The following RIMS1 variants were observed in gnomAD, a reference collection of about 807,000 sequenced individuals.
RIMS1 encodes regulating synaptic membrane exocytosis 1.
In RIMS1, 83 loss-of-function variants were observed where a neutral mutation model predicts 214.1. The ratio of observed to expected loss-of-function variants is 0.39; its 90% confidence interval spans 0.32 to 0.47. RIMS1 has a LOEUF of 0.47. Among genes scored for constraint, RIMS1 ranks in the 20% least tolerant of loss-of-function variants. The pLI, the probability that RIMS1 is intolerant of heterozygous loss-of-function variation, is 0.99. For synonymous variants in RIMS1, 793 were observed against 786.8 expected (o/e 1.01, Z -0.13); for missense variants, 2,050 against 2,161.8 (o/e 0.95, Z 1.03).
chr6:72,022,799 G>C (rs762919354), intron 2 of RIMS1, among the ~76,000 whole-genome samples: 1 of 152,102 alleles, frequency 6.6e-6, no homozygotes, highest in Non-Finnish European at 1.5e-5. Context: ...CATATTAGGT[G>C]CAAATAAAGA....
intron 6 of RIMS1, among the ~76,000 whole-genome samples, chr6:72,215,531 C>A (rs1319730814): frequency 6.6e-6 from 1 of 152,174 alleles, no homozygotes; most frequent in Non-Finnish European, 1.5e-5. Flanking sequence ...TTTCTAAACC[C>A]CATCTCTAAT....
chr6:72,401,330 T>C lies in RIMS1; in HGVS notation c.*616T>C, dbSNP rs1368888429. 6.6e-6 allele frequency: 1 copy of C among 152,652 alleles called. No individual in the cohort carries two copies. The highest frequency in any genetic ancestry group is 1.9e-4 in the East Asian group (1 of 5,200). The allele number at this position is 152,652 out of a possible 1,614,324, so 9.5% of individuals were successfully genotyped here. ...GGGCTGAAGTAGTCTCTGTAGCATC[T>C]CCCCAAAGTGTTAAACAGCTACATA... On this transcript the variant is annotated 3_prime_UTR_variant, in exon 34 of 34. Coordinates refer to ENST00000521978, the MANE Select transcript of RIMS1 (RefSeq NM_014989.7).
chr6:72,372,644 C>T (rs543992514), intron 29 of RIMS1, among the ~76,000 whole-genome samples: 2 of 152,290 alleles, frequency 1.3e-5, no homozygotes, highest in African/African-American at 4.8e-5. Flanking sequence ...TTTGAAGGAG[C>T]ATACTTAAGA....
intron 2 of RIMS1, among the ~76,000 whole-genome samples, chr6:71,977,915 G>T (rs1472993519): frequency 6.6e-6 from 1 of 152,148 alleles, no homozygotes; most frequent in African/African-American, 2.4e-5. Context: ...AAAGAAGGGG[G>T]AATCATGATC....
chr6:72,057,659 C>T (rs1826675153), intron 2 of RIMS1, among the ~76,000 whole-genome samples: 2 of 152,074 alleles, frequency 1.3e-5, no homozygotes, highest in Non-Finnish European at 2.9e-5. Context: ...AGGCGCCCGC[C>T]ACCACTACTA....
At chr6:72,290,887 A>G (rs1223200518) in intron 25 of RIMS1, 26 bp downstream of exon 25, 2 of 1,606,712 alleles carry the variant, frequency 1.2e-6, no homozygotes, top group Admixed American at 3.3e-5. Flanking sequence ...CCCCCTCAGC[A>G]TTCATGTCCT....
intron 2 of RIMS1, among the ~76,000 whole-genome samples, chr6:72,036,344 C>T (rs928147043): frequency 1.3e-5 from 2 of 152,164 alleles, no homozygotes; most frequent in Admixed American, 6.5e-5. Flanking sequence ...GGAATATCTA[C>T]TCTGGAAAAT....
chr6:72,167,438 T>C (rs1164650380), intron 4 of RIMS1, among the ~76,000 whole-genome samples: 1 of 152,134 alleles, frequency 6.6e-6, no homozygotes, highest in Non-Finnish European at 1.5e-5. Context: ...GCTAAGCTGA[T>C]CTGATAAAGT....
chr6:71,920,238 A>C (rs1356164287), intron 1 of RIMS1, among the ~76,000 whole-genome samples: 1 of 152,204 alleles, frequency 6.6e-6, no homozygotes, highest in Non-Finnish European at 1.5e-5. Context: ...AATGCAATGT[A>C]GTATCCTGAA....
chr6:72,216,331 T>C (rs1454930208), intron 6 of RIMS1: 1 of 362,858 alleles, frequency 2.8e-6, no homozygotes, highest in Non-Finnish European at 3.8e-6. Flanking sequence ...TTTAAAAATA[T>C]CAGAAATACG....
intron 4 of RIMS1, among the ~76,000 whole-genome samples, chr6:72,133,628 AT>A (rs1184543763): frequency 2.0e-5 from 3 of 152,168 alleles, no homozygotes; most frequent in Non-Finnish European, 4.4e-5. Context: ...AATATACTCC[AT>A]TTGGAGTAGT....
chr6:71,903,705 T>C (rs1488426387), intron 1 of RIMS1, among the ~76,000 whole-genome samples: 1 of 151,834 alleles, frequency 6.6e-6, no homozygotes, highest in Non-Finnish European at 1.5e-5. Context: ...TTTGAGTAGG[T>C]TTCTGTTTCT....
intron 2 of RIMS1, among the ~76,000 whole-genome samples, chr6:71,992,718 T>C (rs1392674469): frequency 2.0e-5 from 3 of 151,974 alleles, no homozygotes; most frequent in Admixed American, 2.0e-4. Context: ...AGTAGCGTGA[T>C]CACAGCTCAT....
At chr6:72,127,662 T>G (rs984730632) in intron 4 of RIMS1, among the ~76,000 whole-genome samples, 1 of 152,192 alleles carries the variant, frequency 6.6e-6, no homozygotes, top group African/African-American at 2.4e-5. Context: ...TGGCTATGTT[T>G]GATGAAGCTG....
intron 27 of RIMS1, among the ~76,000 whole-genome samples, chr6:72,310,848 T>C (rs2095475488): frequency 6.6e-6 from 1 of 152,112 alleles, no homozygotes; most frequent in African/African-American, 2.4e-5. Flanking sequence ...TCAATGTGAA[T>C]AAAACTGTGA....
intron 1 of RIMS1, among the ~76,000 whole-genome samples, chr6:71,942,204 G>A (rs1228097063): frequency 6.6e-6 from 1 of 152,094 alleles, no homozygotes; most frequent in African/African-American, 2.4e-5. Context: ...CGTGTGTAAG[G>A]CCAGTATAGG....
Position 72,179,595 on chromosome 6 carries a change from A to C in RIMS1, c.492A>C (p.Leu164Phe). 6.2e-7 allele frequency: 1 copy of C among 1,613,812 alleles called. No individual in the cohort carries two copies. Among genetic ancestry groups the C allele is most frequent in the Non-Finnish European group, 8.5e-7 (1 of 1,179,748 alleles). The part of the protein sequence containing the change: ...EDKVVMWVCN[L>F]CRKQQEILTK... The stretch of plus-strand genomic sequence containing the variant: ...AATAGGTTATGTGGGTATGCAATTT[A>C]TGTCGAAAGCAACAAGAAATCTTAA... The change falls in exon 5 of 34, where the codon TTA becomes TTC. Residue 164 changes from leucine to phenylalanine, a missense_variant. By Grantham distance (22) the Leu-to-Phe change is conservative (BLOSUM62 0). Coordinates refer to ENST00000521978, the MANE Select transcript of RIMS1 (RefSeq NM_014989.7).
intron 2 of RIMS1, among the ~76,000 whole-genome samples, chr6:71,999,789 T>G (rs568635624): frequency 2.6e-5 from 4 of 152,296 alleles, no homozygotes; most frequent in Admixed American, 6.5e-5. Flanking sequence ...TGGGGTAAGA[T>G]GTCTTTAGTG....
intron 1 of RIMS1, among the ~76,000 whole-genome samples, chr6:71,948,119 C>T (rs1362707337): frequency 1.3e-5 from 2 of 152,122 alleles, no homozygotes; most frequent in Non-Finnish European, 2.9e-5. Context: ...CAAAGAGTCA[C>T]AGGTTGTGTA....
Sources: gnomAD v4.1 joint callset for allele counts (sites outside exome capture counted in the v4.1 genomes callset) on GRCh38, gnomAD v4.1.1 for gene constraint, MANE v1.5 for transcripts, NCBI Gene and HGNC (gene_info 2026-07-23, HGNC 2026-07-21) for gene names.